The following PPM1L variants were observed in gnomAD, a reference collection of about 807,000 sequenced individuals.
PPM1L encodes the protein protein phosphatase 1L.
A neutral mutation model predicts 31.4 loss-of-function variants in PPM1L; 13 were observed. That is an observed-to-expected ratio of 0.41 (90% CI 0.27 to 0.66). The LOEUF (loss-of-function observed/expected upper bound fraction) is 0.66, where lower values mean the gene tolerates loss of function less well. PPM1L is among the 30% of genes least tolerant of loss of function. The pLI, the probability that PPM1L is intolerant of heterozygous loss-of-function variation, is 0.29. For synonymous variants in PPM1L, 184 were observed against 175.4 expected (o/e 1.05, Z -0.39); for missense variants, 326 against 453.7 (o/e 0.72, Z 2.56).
intron 1 of PPM1L, among the ~76,000 whole-genome samples, chr3:160,935,852 GA>G (rs1246195029): frequency 3.3e-5 from 5 of 152,296 alleles, no homozygotes; most frequent in Admixed American, 3.3e-4. Flanking sequence ...AGAAAAATCA[GA>G]AAAACATCTG....
chr3:161,035,422 A>G (rs1156672769), intron 2 of PPM1L, among the ~76,000 whole-genome samples: 2 of 152,202 alleles, frequency 1.3e-5, no homozygotes, highest in African/African-American at 4.8e-5. Flanking sequence ...ATAAGTAACC[A>G]TTGCTTCTAA....
At chr3:160,970,880 C>T (rs974059870) in intron 2 of PPM1L, among the ~76,000 whole-genome samples, 25 of 149,424 alleles carry the variant, frequency 1.7e-4, no homozygotes, top group Non-Finnish European at 3.0e-4. Flanking sequence ...GGCTCCGCCC[C>T]CTGGGGTTCA....
intron 2 of PPM1L, among the ~76,000 whole-genome samples, chr3:160,974,444 C>G (rs1559909796): frequency 6.6e-6 from 1 of 151,274 alleles, no homozygotes; most frequent in Non-Finnish European, 1.5e-5. Context: ...GAGGAATCGC[C>G]ACACTGACTT....
intron 1 of PPM1L, among the ~76,000 whole-genome samples, chr3:160,887,090 C>G (rs1712941500): frequency 6.6e-6 from 1 of 151,622 alleles, no homozygotes; most frequent in Non-Finnish European, 1.5e-5. Context: ...CTGAATCAAT[C>G]AAGCAGAAGA....
At chr3:160,788,754 TTA>T (rs1290938737) in intron 1 of PPM1L, among the ~76,000 whole-genome samples, 7 of 152,038 alleles carry the variant, frequency 4.6e-5, no homozygotes. Context: ...ATATAAAAAT[TTA>T]GTTTTATTTT....
At chr3:160,785,089 A>AT (rs2108069043) in intron 1 of PPM1L, among the ~76,000 whole-genome samples, 1 of 152,118 alleles carries the variant, frequency 6.6e-6, no homozygotes, top group South Asian at 2.1e-4. Flanking sequence ...TATCCAGTCC[A>AT]TTTTTTTCCT....
intron 1 of PPM1L, among the ~76,000 whole-genome samples, chr3:160,902,356 A>T (rs558876318): frequency 1.4e-4 from 22 of 152,276 alleles, no homozygotes; most frequent in Non-Finnish European, 3.1e-4. Context: ...ATTCATTTTC[A>T]TCTAAAGGAA....
chr3:161,037,376 T>G lies in PPM1L; in HGVS notation c.575-28027T>G, dbSNP rs543784033. ...GAACTGAGGTTTGCCAGAATCCATGTGAATGCACTTGGGAATGTACCCTCC... is the reference window on the plus strand; with the variant it reads ...GAACTGAGGTTTGCCAGAATCCATGGGAATGCACTTGGGAATGTACCCTCC... On this transcript the variant is annotated intron_variant, in intron 2 of 3. Coordinates refer to ENST00000498165, the MANE Select transcript of PPM1L (RefSeq NM_139245.4). Among the ~76,000 whole-genome samples the G allele has an allele frequency of 4.2e-4, 63 of 149,934 alleles. 1 individual carries two copies. Among genetic ancestry groups the G allele is most frequent in the African/African-American group, 1.5e-3 (63 of 40,760 alleles).
intron 1 of PPM1L, among the ~76,000 whole-genome samples, chr3:160,835,022 CTACTAT>C (rs1713652412): frequency 6.7e-6 from 1 of 148,222 alleles, no homozygotes; most frequent in Non-Finnish European, 1.5e-5. Flanking sequence ...ACTACTACTA[CTACTAT>C]TACTACTACT....
intron 1 of PPM1L, among the ~76,000 whole-genome samples, chr3:160,817,269 G>C (rs1480085830): frequency 6.6e-6 from 1 of 152,028 alleles, no homozygotes; most frequent in Non-Finnish European, 1.5e-5. Context: ...AATCCCTGAA[G>C]GTTTTTGGCT....
intron 1 of PPM1L, among the ~76,000 whole-genome samples, chr3:160,850,423 G>C (rs906571015): frequency 3.9e-5 from 6 of 152,056 alleles, no homozygotes; most frequent in Admixed American, 3.9e-4. Flanking sequence ...CTGTCTTTTT[G>C]GGTTTTTATA....
intron 1 of PPM1L, among the ~76,000 whole-genome samples, chr3:160,892,838 G>A (rs1012644775): frequency 1.2e-4 from 19 of 152,074 alleles, no homozygotes; most frequent in Non-Finnish European, 2.9e-5. Flanking sequence ...ATCATCTCTA[G>A]ATGCGAAGGA....
intron 1 of PPM1L, among the ~76,000 whole-genome samples, chr3:160,905,904 T>C (rs1445069364): frequency 1.3e-5 from 2 of 152,110 alleles, no homozygotes; most frequent in Non-Finnish European, 2.9e-5. Context: ...ATGCTTTACA[T>C]TTTAATTGCT....
intron 2 of PPM1L, among the ~76,000 whole-genome samples, chr3:161,060,069 C>T (rs1220263487): frequency 2.0e-5 from 3 of 151,952 alleles, no homozygotes; most frequent in Non-Finnish European, 4.4e-5. Context: ...AGTTTATATT[C>T]TAAAGGGAAA....
chr3:160,849,902 C>T (rs1477478729), intron 1 of PPM1L, among the ~76,000 whole-genome samples: 1 of 152,124 alleles, frequency 6.6e-6, no homozygotes, highest in East Asian at 1.9e-4. Context: ...ACACTCACAC[C>T]CAACACTGAT....
At chr3:160,982,322 G>T (rs934704229) in intron 2 of PPM1L, among the ~76,000 whole-genome samples, 1 of 151,926 alleles carries the variant, frequency 6.6e-6, no homozygotes, top group Non-Finnish European at 1.5e-5. Context: ...TGGGCATCTC[G>T]ACAGCTTTGA....
Position 160,756,851 on chromosome 3 carries a change from TGA to T in PPM1L, c.399+145_399+146del. 3.3e-6 allele frequency: 3 copies of T among 910,130 alleles called. No homozygotes were observed. In the South Asian group the frequency reaches 5.2e-5, roughly 16 times the overall value. 56.4% of individuals were successfully genotyped at this position (910,130 alleles called of 1,614,324 possible). On this transcript the variant is annotated intron_variant, in intron 1 of 3. Transcript: ENST00000498165. The surrounding 1 kb of genome is among the most constrained non-coding windows in gnomAD (Gnocchi z 6.2). ...GATCTGGGTGCGAGGGGCGTGGTGA[TGA>T]CACCACGGTGCCTGGCTGGACAAAT...
chr3:160,905,234 C>A (rs958657274), intron 1 of PPM1L, among the ~76,000 whole-genome samples: 1 of 152,160 alleles, frequency 6.6e-6, no homozygotes, highest in African/African-American at 2.4e-5. Flanking sequence ...ATAAGTGTCT[C>A]TCTGAATAAA....
chr3:160,960,533 T>C (rs1339413708), intron 1 of PPM1L, among the ~76,000 whole-genome samples: 4 of 151,268 alleles, frequency 2.6e-5, no homozygotes, highest in Non-Finnish European at 4.4e-5. Flanking sequence ...TTTTTGTTTG[T>C]TTGTTTGTTC....
Sources: gnomAD v4.1 joint callset for allele counts (sites outside exome capture counted in the v4.1 genomes callset) on GRCh38, gnomAD v4.1.1 for gene constraint, Gnocchi (gnomAD v3.1) non-coding constraint, MANE v1.5 for transcripts, NCBI Gene and HGNC (gene_info 2026-07-23, HGNC 2026-07-21) for gene names.